Variants in CUBN observed in about 807,000 individuals in gnomAD.
The protein encoded by CUBN is cubilin.
A neutral mutation model predicts 405.3 loss-of-function variants in CUBN; 282 were observed. The ratio of observed to expected loss-of-function variants is 0.70; its 90% confidence interval spans 0.63 to 0.77. The LOEUF is 0.77. Ranked by LOEUF, CUBN falls within the 30% of genes least tolerant of loss-of-function variation. The pLI, the probability that CUBN is intolerant of heterozygous loss-of-function variation, is 0.00. For synonymous variants in CUBN, 1,684 were observed against 1,617.0 expected (o/e 1.04, Z -0.99); for missense variants, 4,514 against 4,475.2 (o/e 1.01, Z -0.25).
In CUBN at chr10:17,058,220, G is replaced by A. The variant is rs1019158301; in HGVS notation, c.3139+7288C>T. ...ACTATTCTATATTGGTAGAAACCAG[G>A]TGTGTGTTTGCTGACATAGAGGTTG... On this transcript the variant is annotated intron_variant, in intron 22 of 66. Transcript: ENST00000377833. Among the ~76,000 whole-genome samples the A allele has an allele frequency of 4.6e-5, 7 of 150,714 alleles. No homozygotes were observed. The East Asian group carries it at 7.7e-4, about 17-fold the overall frequency.
chr10:16,901,918 T>TATATATATATATATACAC (rs1236540013), intron 51 of CUBN, among the ~76,000 whole-genome samples: 1 of 109,906 alleles, frequency 9.1e-6, no homozygotes, highest in African/African-American at 3.7e-5. Context: ...TATATATATA[T>TATATATATATATATACAC]ACACACACAC....
intron 66 of CUBN, among the ~76,000 whole-genome samples, chr10:16,827,693 C>A (rs1838825639): frequency 6.6e-6 from 1 of 152,208 alleles, no homozygotes; most frequent in Non-Finnish European, 1.5e-5. Context: ...CCTCCGCCTC[C>A]CTGGCTCAAG....
chr10:16,842,214 A>T (rs948558630), intron 60 of CUBN, among the ~76,000 whole-genome samples: 3 of 151,790 alleles, frequency 2.0e-5, no homozygotes, highest in African/African-American at 7.3e-5. Flanking sequence ...CTAGCTAATT[A>T]AAAAAAATTT....
intron 40 of CUBN, among the ~76,000 whole-genome samples, chr10:16,932,869 T>C (rs1035377911): frequency 6.6e-5 from 10 of 152,230 alleles, no homozygotes; most frequent in Admixed American, 1.3e-4. Flanking sequence ...TTTTTCCTTA[T>C]AGAAATGTGC....
At chr10:17,125,085 G>A (rs887430837) in intron 4 of CUBN, among the ~76,000 whole-genome samples, 1 of 151,890 alleles carries the variant, frequency 6.6e-6, no homozygotes, top group Non-Finnish European at 1.5e-5. Flanking sequence ...ACCTGCCTCG[G>A]CCTCCTAAAG....
At chr10:16,853,953 A>C (rs1235967510) in intron 59 of CUBN, among the ~76,000 whole-genome samples, 1 of 152,256 alleles carries the variant, frequency 6.6e-6, no homozygotes, top group Non-Finnish European at 1.5e-5. Flanking sequence ...GTATTTAAGT[A>C]GAAAAAGATA....
In CUBN at chr10:16,899,148, T is replaced by C. The variant is rs762765944; in HGVS notation, c.8446A>G (p.Ile2816Val). Residue 2816 changes from isoleucine (I) to valine (V), a missense_variant, in exon 54 of 67, where the codon ATC becomes GTC. Around this residue, in one of 5 missense-constraint regions of CUBN, gnomAD observed 1,186 missense variants for 1,186.9 expected, o/e 1.00. Coordinates refer to ENST00000377833, the MANE Select transcript of CUBN (RefSeq NM_001081.4). Reference protein sequence around the residue: ...GGIFHSDNGTIRSPHWPQNFP... With the variant: ...GGIFHSDNGTVRSPHWPQNFP... The stretch of plus-strand genomic sequence containing the variant: ...TTCTGAGGCCAGTGAGGGGATCTGA[T>C]TGTACCATTATCAGAATGAAATATT... The C allele has an allele frequency of 5.0e-6, 8 of 1,613,946 alleles. No individual in the cohort carries two copies. The highest frequency in any genetic ancestry group is 3.4e-6 in the Non-Finnish European group (4 of 1,179,922).
chr10:16,869,002 G>C (rs1274916280), intron 59 of CUBN, among the ~76,000 whole-genome samples: 4 of 152,000 alleles, frequency 2.6e-5, no homozygotes, highest in African/African-American at 9.7e-5. Flanking sequence ...TGCTTCCAAT[G>C]TATTCTGCCT....
chr10:17,117,354 T>C (rs1836928122), intron 6 of CUBN, among the ~76,000 whole-genome samples: 1 of 152,104 alleles, frequency 6.6e-6, no homozygotes, highest in African/African-American at 2.4e-5. Flanking sequence ...CTCCCAACAA[T>C]GTTTAAGAAT....
intron 54 of CUBN, among the ~76,000 whole-genome samples, chr10:16,891,223 C>T (rs1840994474): frequency 1.3e-5 from 2 of 152,042 alleles, no homozygotes; most frequent in African/African-American, 2.4e-5. Context: ...ACGGTGAGCA[C>T]CAAAATTCCA....
intron 5 of CUBN, chr10:17,123,365 C>A: frequency 1.7e-6 from 1 of 596,830 alleles, no homozygotes; most frequent in Non-Finnish European, 3.0e-6. Context: ...AGGCAGTTAT[C>A]CAATCAAGTG....
intron 31 of CUBN, among the ~76,000 whole-genome samples, chr10:16,958,163 G>T (rs1340208914): frequency 6.6e-6 from 1 of 152,070 alleles, no homozygotes; most frequent in Non-Finnish European, 1.5e-5. Context: ...TTCCTTGGGG[G>T]TCCTTTGAAA....
intron 12 of CUBN, 148 bp downstream of exon 12, chr10:17,104,271 T>C (rs1245287828): frequency 5.9e-6 from 4 of 673,890 alleles, no homozygotes; most frequent in Non-Finnish European, 1.0e-5. Context: ...GTGAATTTTA[T>C]ACCATTTCTG....
chr10:17,115,515 C>T lies in CUBN; in HGVS notation c.676G>A (p.Val226Ile), dbSNP rs1408645321. The change falls in exon 7 of 67, where the codon GTC (valine) becomes ATC (isoleucine). Residue 226 changes from valine (V) to isoleucine (I), a missense_variant. By Grantham distance (29) the Val-to-Ile change is conservative. Around this residue, in one of 5 missense-constraint regions of CUBN, gnomAD observed 1,448 missense variants for 1,388.0 expected, o/e 1.04. Transcript: ENST00000377833. ...ATTAAATCCTCACAGATGCCATGGA[C>T]ACAGCGTGCCACAGAACCCCCTTCA... is the stretch of plus-strand genomic sequence containing the variant. ...DCEGGSVARC[V>I]HGICEDLMRE... 1 of 1,614,136 alleles carries T rather than the reference C, an allele frequency of 6.2e-7. No homozygotes were observed. Among genetic ancestry groups the T allele is most frequent in the South Asian group, 1.1e-5 (1 of 91,082 alleles).
At chr10:17,125,420 C>T (rs1837156453) in intron 4 of CUBN, among the ~76,000 whole-genome samples, 1 of 152,184 alleles carries the variant, frequency 6.6e-6, no homozygotes, top group Non-Finnish European at 1.5e-5. Flanking sequence ...TAGATGACCA[C>T]ACGTCTGGGG....
intron 16 of CUBN, among the ~76,000 whole-genome samples, chr10:17,084,871 G>A (rs183687007): frequency 6.6e-6 from 1 of 152,184 alleles, no homozygotes. Flanking sequence ...AGGGGGAGTT[G>A]ATTTGCACGG....
Position 16,900,797 on chromosome 10 carries a change from A to G in CUBN, c.8238T>C (p.Ser2746=). The G allele has an allele frequency of 4.3e-6, 7 of 1,614,148 alleles. No homozygotes were observed. The highest frequency in any genetic ancestry group is 2.2e-5 in the South Asian group (2 of 91,088). The change falls in exon 53 of 67, where the codon TCT becomes TCC. Residue 2746 remains serine (S), a synonymous_variant. Transcript: ENST00000377833. The part of the protein sequence containing the change: ...IEPHTTCAWD[S]VTVRNGGSPE... Reference sequence around the variant, plus strand: ...GGGACCCACCATTCCTGACAGTGACAGAGTCCCAAGCACAAGTTGTATGGG... The same window carrying G: ...GGGACCCACCATTCCTGACAGTGACGGAGTCCCAAGCACAAGTTGTATGGG...
chr10:16,898,724 C>T (rs898324229), intron 54 of CUBN, among the ~76,000 whole-genome samples: 25 of 152,236 alleles, frequency 1.6e-4, no homozygotes, highest in Non-Finnish European at 2.6e-4. Flanking sequence ...GCTCCTTCAA[C>T]GTTCCGTAAT....
At chr10:16,869,523 G>T in intron 59 of CUBN, 113 bp downstream of exon 59, 1 of 815,878 alleles carries the variant, frequency 1.2e-6, no homozygotes, top group Non-Finnish European at 2.0e-6. Flanking sequence ...ATTCTTCTAA[G>T]CTTCAAGGAA....
Sources: gnomAD v4.1 joint callset for allele counts (sites outside exome capture counted in the v4.1 genomes callset) on GRCh38, gnomAD v4.1.1 for gene constraint, gnomAD v4.1.1 regional missense constraint, MANE v1.5 for transcripts, NCBI Gene and HGNC (gene_info 2026-07-23, HGNC 2026-07-21) for gene names.